SGCD: variants seen among roughly 807,000 people sequenced by gnomAD.
SGCD encodes delta-sarcoglycan.
In SGCD, 18 loss-of-function variants were observed where a neutral mutation model predicts 36.6. The ratio of observed to expected loss-of-function variants is 0.49; its 90% CI spans 0.34 to 0.73. The LOEUF is 0.73. Among genes scored for constraint, SGCD ranks in the 30% least tolerant of loss-of-function variants. SGCD has a pLI of 0.01. For missense variants in SGCD, 387 were observed against 346.7 expected (o/e 1.12, Z -0.92); for synonymous variants, 133 against 130.6 (o/e 1.02, Z -0.12).
At chr5:156,744,100 T>A (rs1756827118) in intron 7 of SGCD, among the ~76,000 whole-genome samples, 2 of 152,198 alleles carry the variant, frequency 1.3e-5, no homozygotes, top group South Asian at 4.1e-4. Flanking sequence ...GAGGCAAGAT[T>A]GCTCGAGCCC....
chr5:156,333,119 AG>A (rs939985147), intron 2 of SGCD, among the ~76,000 whole-genome samples: 5 of 152,310 alleles, frequency 3.3e-5, no homozygotes, highest in East Asian at 1.9e-4. Flanking sequence ...TTCCTACCAC[AG>A]GTTTCATTGC....
At chr5:156,413,702 T>C (rs942310544) in intron 3 of SGCD, among the ~76,000 whole-genome samples, 13 of 152,220 alleles carry the variant, frequency 8.5e-5, no homozygotes, top group African/African-American at 3.1e-4. Flanking sequence ...CTTTTTATAG[T>C]AGTTGTTCAA....
intron 3 of SGCD, among the ~76,000 whole-genome samples, chr5:156,303,299 G>T (rs577232083): frequency 3.9e-5 from 6 of 152,072 alleles, no homozygotes; most frequent in African/African-American, 1.4e-4. Context: ...TACCATTGAT[G>T]TTCACTCTAG....
intron 3 of SGCD, among the ~76,000 whole-genome samples, chr5:156,282,601 C>A (rs1766482224): frequency 6.6e-6 from 1 of 152,128 alleles, no homozygotes; most frequent in South Asian, 2.1e-4. Flanking sequence ...CATGGCTCAA[C>A]CAGTTGTAAT....
intron 6 of SGCD, among the ~76,000 whole-genome samples, chr5:156,611,384 G>GT (rs1471133261): frequency 1.3e-5 from 2 of 151,970 alleles, no homozygotes; most frequent in East Asian, 1.9e-4. Flanking sequence ...GCTGAGTATT[G>GT]TTTTTTTGGC....
chr5:156,183,605 A>C (rs1288518699), intron 3 of SGCD, among the ~76,000 whole-genome samples: 1 of 152,130 alleles, frequency 6.6e-6, no homozygotes, highest in East Asian at 1.9e-4. Flanking sequence ...ACGAGGTTTC[A>C]CTGTATTGGC....
At chr5:156,585,700 G>A (rs994790996) in intron 4 of SGCD, among the ~76,000 whole-genome samples, 16 of 152,096 alleles carry the variant, frequency 1.1e-4, no homozygotes, top group Non-Finnish European at 2.1e-4. Context: ...AATATATTTT[G>A]TCTCAGTATA....
intron 4 of SGCD, among the ~76,000 whole-genome samples, chr5:156,525,631 C>T (rs908220706): frequency 1.3e-5 from 2 of 151,674 alleles, no homozygotes; most frequent in East Asian, 1.9e-4. Context: ...GCTTTTGGCT[C>T]ATATAAGAAA....
At chr5:156,564,635 A>G (rs1331967423) in intron 4 of SGCD, among the ~76,000 whole-genome samples, 1 of 152,104 alleles carries the variant, frequency 6.6e-6, no homozygotes, top group East Asian at 1.9e-4. Flanking sequence ...GCCCATTAAA[A>G]AATAACTCCC....
At chr5:156,337,872 T>A (rs549221467) in intron 2 of SGCD, among the ~76,000 whole-genome samples, 32 of 152,330 alleles carry the variant, frequency 2.1e-4, no homozygotes, top group South Asian at 8.3e-4. Context: ...TTGGAATTTT[T>A]TTTGTAAGTC....
chr5:156,180,791 T>C (rs1763588683), intron 3 of SGCD, among the ~76,000 whole-genome samples: 1 of 152,162 alleles, frequency 6.6e-6, no homozygotes. Context: ...AGGCACACAT[T>C]ATTTTGTAAA....
At chr5:156,041,386 A>C (rs1759630158) in intron 1 of SGCD, among the ~76,000 whole-genome samples, 1 of 152,170 alleles carries the variant, frequency 6.6e-6, no homozygotes, top group Non-Finnish European at 1.5e-5. Context: ...GAAGGATAGG[A>C]GCACAGGTAG....
chr5:156,074,094 C>A (rs1760688507), intron 1 of SGCD, among the ~76,000 whole-genome samples: 1 of 152,186 alleles, frequency 6.6e-6, no homozygotes, highest in Non-Finnish European at 1.5e-5. Flanking sequence ...GACTTATTTT[C>A]TTGAAGGCCT....
intron 3 of SGCD, among the ~76,000 whole-genome samples, chr5:156,421,350 C>T (rs957457045): frequency 6.6e-5 from 10 of 152,054 alleles, no homozygotes; most frequent in African/African-American, 1.9e-4. Context: ...ACTTTGACAG[C>T]GTGGATTTGC....
At chr5:156,115,560 C>T (rs1761888472) in intron 1 of SGCD, among the ~76,000 whole-genome samples, 1 of 151,998 alleles carries the variant, frequency 6.6e-6, no homozygotes, top group Non-Finnish European at 1.5e-5. Context: ...GATATTATAT[C>T]AAAGACATTA....
intron 3 of SGCD, among the ~76,000 whole-genome samples, chr5:156,483,663 T>G (rs1388323204): frequency 6.6e-6 from 1 of 152,250 alleles, no homozygotes; most frequent in Admixed American, 6.5e-5. Flanking sequence ...GCAGTCACCT[T>G]GGTAACTACC....
At chr5:156,444,839 A>G (rs1299695084) in intron 3 of SGCD, among the ~76,000 whole-genome samples, 2 of 152,194 alleles carry the variant, frequency 1.3e-5, no homozygotes, top group African/African-American at 4.8e-5. Flanking sequence ...TTTCACATCT[A>G]TAACCAAGAA....
At chr5:156,344,432 T>C in intron 2 of SGCD, 57 bp from the exon 3 acceptor site, 13 of 1,234,008 alleles carry the variant, frequency 1.1e-5, no homozygotes, top group Non-Finnish European at 1.5e-5. Flanking sequence ...CTTTATTTTT[T>C]TTCTCTTCTC....
At chr5:156,288,109 C>T (rs1766661825) in intron 3 of SGCD, among the ~76,000 whole-genome samples, 1 of 152,106 alleles carries the variant, frequency 6.6e-6, no homozygotes, top group Non-Finnish European at 1.5e-5. Flanking sequence ...TTCAGAATAT[C>T]TTTTGAATGT....
Sources: allele counts gnomAD v4.1 joint callset (sites outside exome capture counted in the v4.1 genomes callset), GRCh38; gene constraint gnomAD v4.1.1; transcripts MANE v1.5; gene names NCBI Gene and HGNC (gene_info 2026-07-23, HGNC 2026-07-21).